CDH7: variants seen among roughly 807,000 people sequenced by gnomAD.
The protein encoded by CDH7 is cadherin-7.
Under a neutral mutation model 71.8 loss-of-function variants are expected in CDH7, and 25 were observed. The ratio of observed to expected loss-of-function variants is 0.35; its 90% CI spans 0.25 to 0.49. The LOEUF is 0.49. Among genes scored for constraint, CDH7 ranks in the 20% least tolerant of loss-of-function variants. The probability of loss-of-function intolerance (pLI) is 0.99; values close to 1 mark genes in which losing one functional copy is unlikely to be tolerated. For synonymous variants in CDH7, 381 were observed against 363.8 expected, an observed-to-expected ratio of 1.05 and a Z score of -0.54; for missense variants, 862 against 974.6, an observed-to-expected ratio of 0.88 and a Z score of 1.54.
chr18:65,809,613 A>G, intron 2 of CDH7, 91 bp from the exon 3 acceptor site: 1 of 1,062,084 alleles, frequency 9.4e-7, no homozygotes, highest in Non-Finnish European at 1.4e-6. Context: ...AATTTCATGT[A>G]CTCCTGCCTG....
At chr18:65,778,706 A>G (rs1341462579) in intron 2 of CDH7, among the ~76,000 whole-genome samples, 2 of 148,230 alleles carry the variant, frequency 1.3e-5, no homozygotes, top group Non-Finnish European at 3.0e-5. Context: ...TCAACAGTTT[A>G]TTTCATAATA....
rs1406643254 is a variant in CDH7 at position 65,781,900 on chromosome 18, CTA to C, written c.210+18850_210+18851del. Among the ~76,000 whole-genome samples, 24 of 55,790 alleles carry C rather than the reference CTA, an allele frequency of 4.3e-4. 5 individuals are homozygous for C. The highest frequency in any genetic ancestry group is 2.7e-3 in the African/African-American group (23 of 8,634). The allele number at this position is 55,790 out of a possible 152,430, so 36.6% of individuals were successfully genotyped here. Reference sequence around the variant, plus strand: ...TCTCTGTCTCTCTCTCTCTTTCTCTCTATCTTTCTCTCTTTCTCTCTTTCTCT... The same window carrying C: ...TCTCTGTCTCTCTCTCTCTTTCTCTCTCTTTCTCTCTTTCTCTCTTTCTCT... On this transcript the variant is annotated intron_variant, in intron 2 of 11. Coordinates refer to ENST00000397968, the MANE Select transcript of CDH7 (RefSeq NM_004361.5).
chr18:65,841,151 C>A (rs1912718695), intron 6 of CDH7, among the ~76,000 whole-genome samples: 1 of 152,052 alleles, frequency 6.6e-6, no homozygotes, highest in Admixed American at 6.6e-5. Flanking sequence ...CATATGAATT[C>A]TTTTATTGCT....
intron 6 of CDH7, among the ~76,000 whole-genome samples, chr18:65,825,067 C>G (rs894830249): frequency 1.3e-5 from 2 of 151,882 alleles, no homozygotes; most frequent in Admixed American, 1.3e-4. Context: ...ATCTATAGCA[C>G]TATAAAAATA....
intron 6 of CDH7, among the ~76,000 whole-genome samples, chr18:65,842,315 A>T (rs1002216458): frequency 1.3e-5 from 2 of 152,064 alleles, no homozygotes; most frequent in African/African-American, 4.8e-5. Context: ...GCTAAGAGAG[A>T]TATTAAATAA....
rs1913515504 is a variant in CDH7 at position 65,860,249 on chromosome 18, A to G, written c.1612+424A>G. Among the ~76,000 whole-genome samples, 4 of 152,246 alleles carry G rather than the reference A, an allele frequency of 2.6e-5. No individual in the cohort carries two copies. The South Asian group carries it at 8.3e-4, about 32-fold the overall frequency. On this transcript the variant is annotated intron_variant, in intron 10 of 11. Coordinates refer to ENST00000397968, the MANE Select transcript of CDH7 (RefSeq NM_004361.5). ...ACTTTGACTTAATGTTTTCGATAATACCCCTTACTCTTTTATTTTTACATA... is the reference window on the plus strand; with the variant it reads ...ACTTTGACTTAATGTTTTCGATAATGCCCCTTACTCTTTTATTTTTACATA...
At chr18:65,751,646 T>C (rs1915882265) in intron 1 of CDH7, among the ~76,000 whole-genome samples, 1 of 152,210 alleles carries the variant, frequency 6.6e-6, no homozygotes, top group Admixed American at 6.5e-5. Context: ...GGACACCTTT[T>C]ACCTTTCGTG....
chr18:65,792,613 T>C (rs985448101), intron 2 of CDH7, among the ~76,000 whole-genome samples: 12 of 152,132 alleles, frequency 7.9e-5, no homozygotes, highest in Admixed American at 7.9e-4. Context: ...TTTTTGCTTT[T>C]TCTTTACATG....
chr18:65,775,287 A>G (rs1030205102), intron 2 of CDH7, among the ~76,000 whole-genome samples: 2 of 152,200 alleles, frequency 1.3e-5, no homozygotes, highest in Non-Finnish European at 2.9e-5. Context: ...CAGCATTGCT[A>G]TTAACTTTGA....
Position 65,871,878 on chromosome 18 carries a change from C to T in CDH7, c.1865-8523C>T, listed in dbSNP as rs564851892. 2.0e-5 allele frequency among the ~76,000 whole-genome samples: 3 copies of T among 151,964 alleles called. No individual in the cohort carries two copies. The East Asian group carries it at 5.8e-4, about 29-fold the overall frequency. ...TCATTTTAAAATATGGTCTGGTTAT[C>T]CAAAGAGATAGATGAGAGATTTAGA... On this transcript the variant is annotated intron_variant, in intron 11 of 11. Transcript: ENST00000397968.
intron 7 of CDH7, among the ~76,000 whole-genome samples, chr18:65,857,355 TAATAATAAA>T (rs201541823): frequency 0.031 from 3,947 of 128,974 alleles, 91 homozygotes; most frequent in South Asian, 0.097. Flanking sequence ...ATAATAATAA[TAATAATAAA>T]ATAGCCAAAT....
At position 65,872,612 on chromosome 18, in the gene CDH7, T is replaced by TA. The variant is rs545853641; in HGVS notation, c.1865-7787dup. Among the ~76,000 whole-genome samples, 1,320 of 152,140 alleles carry TA rather than the reference T, an allele frequency of 8.7e-3. 14 individuals are homozygous for TA. The highest frequency in any genetic ancestry group is 0.013 in the Non-Finnish European group (897 of 67,980). On this transcript the variant is annotated intron_variant, in intron 11 of 11. Coordinates refer to ENST00000397968, the MANE Select transcript of CDH7 (RefSeq NM_004361.5). ...GCTCAGTTCAATATTAAAAGGAAAT[T>TA]AAGCTGGGAGCAATGACTCATGACT...
intron 7 of CDH7, among the ~76,000 whole-genome samples, chr18:65,853,247 C>A (rs1016188027): frequency 6.6e-6 from 1 of 152,172 alleles, no homozygotes; most frequent in Non-Finnish European, 1.5e-5. Flanking sequence ...TGGTTCATGA[C>A]TAGGAAATCA....
In CDH7 at chr18:65,887,490, C is replaced by T. The variant is rs1353697501; in HGVS notation, c.*6596C>T. 1 of 145,228 alleles carries T rather than the reference C, an allele frequency of 6.9e-6. No individual in the cohort carries two copies. Among genetic ancestry groups the T allele is most frequent in the Non-Finnish European group, 1.5e-5 (1 of 66,596 alleles). The allele number at this position is 145,228 out of a possible 1,614,324, so 9.0% of individuals were successfully genotyped here. ...GTAACTATATAGCAATTTCATTTTACATGCAGTAATTTTAAATGCCCAAAA... is the reference window on the plus strand; with the variant it reads ...GTAACTATATAGCAATTTCATTTTATATGCAGTAATTTTAAATGCCCAAAA... On this transcript the variant is annotated 3_prime_UTR_variant, in exon 12 of 12. Transcript: ENST00000397968.
intron 2 of CDH7, among the ~76,000 whole-genome samples, chr18:65,791,068 A>T (rs527786631): frequency 6.6e-6 from 1 of 152,328 alleles, no homozygotes; most frequent in East Asian, 1.9e-4. Context: ...AGATTTCGTG[A>T]ATATTTTTAC....
rs143680491 is a variant in CDH7, at chr18:65,862,896, G to T, written c.1843G>T (p.Ala615Ser). ...TACAGGAGCCCTGATAGCCATACTC[G>T]CCTGTGTCTTGACATTATTGGGTAG... ...LSTGALIAIL[A>S]CVLTLLVLIL... The change falls in exon 11 of 12, where the codon GCC (alanine) becomes TCC (serine). Residue 615 changes from alanine (A) to serine (S), a missense_variant. Ala to Ser is a moderately conservative substitution (Grantham distance 99). Transcript: ENST00000397968. 1.2e-6 allele frequency: 2 copies of T among 1,614,130 alleles called. No individual in the cohort carries two copies. The highest frequency in any genetic ancestry group is 1.1e-5 in the South Asian group (1 of 91,080).
At chr18:65,849,270 C>G (rs1411808286) in intron 7 of CDH7, among the ~76,000 whole-genome samples, 1 of 151,980 alleles carries the variant, frequency 6.6e-6, no homozygotes, top group Non-Finnish European at 1.5e-5. Flanking sequence ...GAGTAGTGTA[C>G]TTACTATCCA....
At chr18:65,856,588 G>A (rs1419120685) in intron 7 of CDH7, among the ~76,000 whole-genome samples, 1 of 152,048 alleles carries the variant, frequency 6.6e-6, no homozygotes, top group Non-Finnish European at 1.5e-5. Flanking sequence ...TGGAGTAAAG[G>A]AGCAAATCAA....
Position 65,886,835 on chromosome 18 carries a change from A to C in CDH7, c.*5941A>C, listed in dbSNP as rs1914385199. On this transcript the variant is annotated 3_prime_UTR_variant, in exon 12 of 12. Coordinates refer to ENST00000397968, the MANE Select transcript of CDH7 (RefSeq NM_004361.5). Reference sequence around the variant, plus strand: ...GACTCAAACTCACTTATATCTTACAACAGCTCATCTTAATCTCTTACGAAT... The same window carrying C: ...GACTCAAACTCACTTATATCTTACACCAGCTCATCTTAATCTCTTACGAAT... The C allele has an allele frequency of 6.6e-6, 1 of 152,182 alleles. No homozygotes were observed. The highest frequency in any genetic ancestry group is 2.1e-4 in the South Asian group (1 of 4,824). The allele number at this position is 152,182 out of a possible 1,614,324, so 9.4% of individuals were successfully genotyped here.
Sources: allele counts gnomAD v4.1 joint callset (sites outside exome capture counted in the v4.1 genomes callset), GRCh38; gene constraint gnomAD v4.1.1; transcripts MANE v1.5; gene names NCBI Gene and HGNC (gene_info 2026-07-23, HGNC 2026-07-21).